Variants in TAOK3 observed in about 807,000 individuals in gnomAD.
The protein encoded by TAOK3 is TAO kinase 3, also known as serine/threonine-protein kinase TAO3.
Under a neutral mutation model 120.4 loss-of-function variants are expected in TAOK3, and 40 were observed. The ratio of observed to expected loss-of-function variants is 0.33; its 90% CI spans 0.26 to 0.43. The LOEUF (loss-of-function observed/expected upper bound fraction) is 0.43. Ranked by LOEUF, TAOK3 falls within the 20% of genes least tolerant of loss-of-function variation. TAOK3 has a pLI of 1.00. For synonymous variants in TAOK3, 355 were observed against 387.5 expected (o/e 0.92, Z 0.99); for missense variants, 821 against 1,112.1 (o/e 0.74, Z 3.72).
chr12:118,294,771 A>C, intron 1 of TAOK3, among the ~76,000 whole-genome samples: 2 of 138,922 alleles, frequency 1.4e-5, no homozygotes, highest in East Asian at 3.9e-4. Flanking sequence ...ATTCACACAC[A>C]TTGTTGTACC....
At chr12:118,342,408 A>C (rs1384791114) in intron 1 of TAOK3, among the ~76,000 whole-genome samples, 2 of 152,226 alleles carry the variant, frequency 1.3e-5, no homozygotes, top group Non-Finnish European at 2.9e-5. Context: ...TGACATGTTG[A>C]AAATACCTTG....
At chr12:118,315,122 G>A (rs183119159) in intron 1 of TAOK3, among the ~76,000 whole-genome samples, 1 of 152,016 alleles carries the variant, frequency 6.6e-6, no homozygotes, top group East Asian at 1.9e-4. Context: ...GTAGAGATGG[G>A]GTTTCACCAT....
intron 1 of TAOK3, among the ~76,000 whole-genome samples, chr12:118,271,158 T>C (rs2041684759): frequency 6.6e-6 from 1 of 152,184 alleles, no homozygotes. Context: ...GTTATTGAGA[T>C]ATAATTCACC....
chr12:118,317,578 T>C (rs1430577455), intron 1 of TAOK3, among the ~76,000 whole-genome samples: 1 of 134,432 alleles, frequency 7.4e-6, no homozygotes, highest in Admixed American at 8.1e-5. Context: ...ATTACAGGTG[T>C]GGGATTACTG....
intron 1 of TAOK3, among the ~76,000 whole-genome samples, chr12:118,351,864 C>CTTTTTT (rs34956112): frequency 1.4e-5 from 1 of 71,900 alleles, no homozygotes; most frequent in Non-Finnish European, 2.6e-5. Flanking sequence ...ATCTATAGTT[C>CTTTTTT]TTTTTTTTTT....
intron 1 of TAOK3, among the ~76,000 whole-genome samples, chr12:118,365,385 C>A (rs10083190): frequency 0.27 from 41,453 of 150,838 alleles, 6,644 homozygotes; most frequent in African/African-American, 0.45. Context: ...GGCGTGCAAA[C>A]ACACGCCCAG....
intron 1 of TAOK3, among the ~76,000 whole-genome samples, chr12:118,267,884 C>CAAAAAAA (rs60331520): frequency 1.3e-5 from 1 of 78,864 alleles, no homozygotes; most frequent in African/African-American, 5.3e-5. Context: ...GACTCCATCT[C>CAAAAAAA]AAAAAAAAAA....
chr12:118,300,056 G>A (rs1345623604), intron 1 of TAOK3, among the ~76,000 whole-genome samples: 1 of 152,126 alleles, frequency 6.6e-6, no homozygotes, highest in Non-Finnish European at 1.5e-5. Flanking sequence ...CCATTTTCAC[G>A]AGGGTACCAA....
At position 118,317,211 on chromosome 12, in the gene TAOK3, C is replaced by T. The variant is rs375130668; in HGVS notation, c.-193-50452G>A. 8.0e-4 allele frequency among the ~76,000 whole-genome samples: 112 copies of T among 139,680 alleles called. 1 individual carries two copies. In the South Asian group the frequency reaches 0.022, roughly 28 times the overall value. The allele number at this position is 139,680 out of a possible 152,430, so 91.6% of individuals were successfully genotyped here. On this transcript the variant is annotated intron_variant, in intron 1 of 20. Coordinates refer to ENST00000392533, the MANE Select transcript of TAOK3 (RefSeq NM_016281.4). ...CTGTGAGGCAGAAGTTGCAGTGAGCCGAGATTATTGTGCCACTACACTCTG... is the reference window on the plus strand; with the variant it reads ...CTGTGAGGCAGAAGTTGCAGTGAGCTGAGATTATTGTGCCACTACACTCTG...
At chr12:118,320,962 AG>A (rs748833610) in intron 1 of TAOK3, among the ~76,000 whole-genome samples, 3 of 152,314 alleles carry the variant, frequency 2.0e-5, no homozygotes, top group Non-Finnish European at 4.4e-5. Context: ...ATCTATAGGA[AG>A]GAAGTCCTAC....
chr12:118,214,196 G>A (rs984554490), intron 9 of TAOK3, 86 bp from the exon 10 acceptor site: 11 of 1,041,210 alleles, frequency 1.1e-5, no homozygotes, highest in Middle Eastern at 2.1e-4. Context: ...AAAGCTTTGC[G>A]GCTAAATCAA....
chr12:118,234,603 C>T (rs1477306268), intron 8 of TAOK3, among the ~76,000 whole-genome samples: 2 of 151,520 alleles, frequency 1.3e-5, no homozygotes, highest in Admixed American at 6.6e-5. Flanking sequence ...GGTGCAGTGG[C>T]GCCATCTTGG....
rs528724823 is a variant in TAOK3 at position 118,331,811 on chromosome 12, C to T, written c.-194+40837G>A. Among the ~76,000 whole-genome samples the T allele has an allele frequency of 2.0e-5, 3 of 151,234 alleles. No individual in the cohort carries two copies. In the East Asian group the frequency reaches 5.8e-4, roughly 29 times the overall value. ...CTATGAAGGTAAAGTATGATTATCA[C>T]ATTACAAATACATGAATTTTTTTTT... On this transcript the variant is annotated intron_variant, in intron 1 of 20. Transcript: ENST00000392533.
intron 17 of TAOK3, among the ~76,000 whole-genome samples, chr12:118,164,787 T>C (rs11068853): frequency 0.052 from 7,989 of 152,270 alleles, 416 homozygotes; most frequent in East Asian, 0.23. Context: ...TAGGAGAAAA[T>C]GCAAATTATT....
At chr12:118,231,046 A>T (rs1593237613) in intron 9 of TAOK3, among the ~76,000 whole-genome samples, 1 of 152,346 alleles carries the variant, frequency 6.6e-6, no homozygotes, top group East Asian at 1.9e-4. Context: ...TAAGTTAGTC[A>T]TAGAAAACAG....
chr12:118,369,456 G>A (rs1426865810), intron 1 of TAOK3, among the ~76,000 whole-genome samples: 1 of 152,148 alleles, frequency 6.6e-6, no homozygotes, highest in Non-Finnish European at 1.5e-5. Flanking sequence ...TAATCACTTA[G>A]GGGAGTATCA....
intron 12 of TAOK3, chr12:118,200,184 A>G (rs907783879): frequency 6.6e-6 from 1 of 152,240 alleles, no homozygotes; most frequent in Admixed American, 6.5e-5. Context: ...AAGAAATTTT[A>G]TAGTTCAATG....
chr12:118,209,595 C>G (rs917372285), intron 11 of TAOK3, among the ~76,000 whole-genome samples: 4 of 152,254 alleles, frequency 2.6e-5, no homozygotes, highest in African/African-American at 9.6e-5. Flanking sequence ...AATGGGGTTT[C>G]TACGTGTTGG....
chr12:118,273,780 C>T (rs769334701), intron 1 of TAOK3, among the ~76,000 whole-genome samples: 79 of 152,212 alleles, frequency 5.2e-4, no homozygotes, highest in Non-Finnish European at 8.4e-4. Context: ...CGTGCCATTG[C>T]ACTCCAGCCT....
Sources: gnomAD v4.1 joint callset for allele counts (sites outside exome capture counted in the v4.1 genomes callset) on GRCh38, gnomAD v4.1.1 for gene constraint, MANE v1.5 for transcripts, NCBI Gene and HGNC (gene_info 2026-07-23, HGNC 2026-07-21) for gene names.